TMEFF2: variants seen among roughly 807,000 people sequenced by gnomAD.
TMEFF2 encodes the protein transmembrane protein with EGF like and two follistatin like domains 2.
In TMEFF2, 28 loss-of-function variants were observed where a neutral mutation model predicts 53.8. That is an observed-to-expected ratio of 0.52 (90% CI 0.39 to 0.71). The LOEUF is 0.71. Ranked by LOEUF, TMEFF2 falls within the 30% of genes least tolerant of loss-of-function variation. TMEFF2 has a pLI of 0.00. For missense variants in TMEFF2, 353 were observed against 455.2 expected, an observed-to-expected ratio of 0.78 and a Z score of 2.04; for synonymous variants, 162 against 166.3, an observed-to-expected ratio of 0.97 and a Z score of 0.20.
At chr2:192,175,585 C>A (rs1553530791) in intron 4 of TMEFF2, among the ~76,000 whole-genome samples, 1 of 151,214 alleles carries the variant, frequency 6.6e-6, no homozygotes, top group Non-Finnish European at 1.5e-5. Flanking sequence ...CCAACAATAA[C>A]CTATTAAAGA....
chr2:192,062,976 TTTTTG>T (rs1229891044), intron 4 of TMEFF2, among the ~76,000 whole-genome samples: 11 of 145,890 alleles, frequency 7.5e-5, no homozygotes, highest in East Asian at 1.9e-4. Context: ...GTGTTTTTTT[TTTTTG>T]TTGTTGTTGT....
At chr2:192,001,205 T>G (rs961720767) in intron 5 of TMEFF2, among the ~76,000 whole-genome samples, 7 of 152,168 alleles carry the variant, frequency 4.6e-5, no homozygotes, top group Non-Finnish European at 8.8e-5. Flanking sequence ...TTCAAGGTCT[T>G]CTATAAAGTT....
chr2:192,082,211 G>GT (rs963943585), intron 4 of TMEFF2, among the ~76,000 whole-genome samples: 22 of 152,244 alleles, frequency 1.4e-4, no homozygotes, highest in African/African-American at 5.3e-4. Context: ...TAGGACTGGA[G>GT]TTTTTTTAAA....
At chr2:192,044,409 A>T (rs924608012) in intron 5 of TMEFF2, 3 of 152,322 alleles carry the variant, frequency 2.0e-5, no homozygotes, top group East Asian at 3.9e-4. Flanking sequence ...GGTAAAGGAT[A>T]AGTTGATGTA....
At position 191,949,953 on chromosome 2, in the gene TMEFF2, G is replaced by A. The variant is rs1691819404; in HGVS notation, c.*358C>T. The A allele has an allele frequency of 2.9e-6, 3 of 1,033,224 alleles. No individual in the cohort carries two copies. The highest frequency in any genetic ancestry group is 3.7e-5 in the South Asian group (1 of 27,094). 64.0% of individuals were successfully genotyped at this position (1,033,224 alleles called of 1,614,324 possible). A position where few individuals can be genotyped will look rare whatever the true frequency, so the allele number is the denominator to read the frequency against. On this transcript the variant is annotated 3_prime_UTR_variant, in exon 10 of 10. Coordinates refer to ENST00000272771, the MANE Select transcript of TMEFF2 (RefSeq NM_016192.4). ...GAAGAAACATGAAATATTGGTAGCT[G>A]TACAGATTGTACTAGTCTGATTATA...
intron 4 of TMEFF2, among the ~76,000 whole-genome samples, chr2:192,075,305 A>ATTTT (rs1559115057): frequency 3.6e-5 from 1 of 27,956 alleles, no homozygotes; most frequent in African/African-American, 7.8e-5. Flanking sequence ...ATATATATAT[A>ATTTT]TATATATATA....
intron 3 of TMEFF2, among the ~76,000 whole-genome samples, chr2:192,180,070 G>A (rs965634695): frequency 3.3e-5 from 5 of 151,538 alleles, no homozygotes; most frequent in South Asian, 2.1e-4. Context: ...AGTCTAATGC[G>A]TGTGGCAAAT....
At chr2:191,992,188 A>G (rs536682236) in intron 7 of TMEFF2, among the ~76,000 whole-genome samples, 3 of 152,080 alleles carry the variant, frequency 2.0e-5, no homozygotes, top group Non-Finnish European at 4.4e-5. Flanking sequence ...GTTGATACCA[A>G]TATTTGTGCT....
intron 4 of TMEFF2, among the ~76,000 whole-genome samples, chr2:192,069,281 G>T (rs2105914039): frequency 6.6e-6 from 1 of 151,816 alleles, no homozygotes; most frequent in South Asian, 2.1e-4. Flanking sequence ...CCTCTGTAGT[G>T]ATGCTCCATC....
chr2:192,041,216 C>G (rs1015119725), intron 5 of TMEFF2, among the ~76,000 whole-genome samples: 5 of 152,046 alleles, frequency 3.3e-5, no homozygotes, highest in Admixed American at 6.6e-5. Flanking sequence ...ATATATCTGC[C>G]AGGGAACTTA....
chr2:192,033,674 T>G (rs1393676924), intron 5 of TMEFF2, among the ~76,000 whole-genome samples: 1 of 152,142 alleles, frequency 6.6e-6, no homozygotes, highest in African/African-American at 2.4e-5. Flanking sequence ...CCAGGAGGAC[T>G]GGAGCTCTTG....
chr2:192,082,262 T>G (rs146738643), intron 4 of TMEFF2, among the ~76,000 whole-genome samples: 11 of 152,300 alleles, frequency 7.2e-5, no homozygotes, highest in African/African-American at 2.4e-4. Flanking sequence ...TTCTTACTAT[T>G]GTTCCCTTAC....
At chr2:191,999,764 G>A (rs905361100) in intron 5 of TMEFF2, among the ~76,000 whole-genome samples, 6 of 151,740 alleles carry the variant, frequency 4.0e-5, no homozygotes, top group Non-Finnish European at 7.4e-5. Flanking sequence ...ACATTTTGGG[G>A]GGGCCACAAA....
chr2:191,969,904 A>G (rs898014586), intron 7 of TMEFF2, among the ~76,000 whole-genome samples: 3 of 152,224 alleles, frequency 2.0e-5, no homozygotes, highest in Admixed American at 1.3e-4. Flanking sequence ...CTGGCAATAA[A>G]AAAGTCATGG....
intron 5 of TMEFF2, among the ~76,000 whole-genome samples, chr2:192,049,247 A>C (rs1049114651): frequency 1.3e-5 from 2 of 152,114 alleles, no homozygotes; most frequent in Non-Finnish European, 1.5e-5. Flanking sequence ...AAGAGCATGG[A>C]GTCTGCCTGG....
chr2:192,129,826 G>T (rs1689771041), intron 4 of TMEFF2, among the ~76,000 whole-genome samples: 1 of 152,128 alleles, frequency 6.6e-6, no homozygotes, highest in South Asian at 2.1e-4. Context: ...TTTACTTGTG[G>T]AATTATTTGT....
At chr2:191,964,362 TTCTTTCTTTCTC>T (rs1559063436) in intron 7 of TMEFF2, among the ~76,000 whole-genome samples, 4 of 101,004 alleles carry the variant, frequency 4.0e-5, no homozygotes, top group African/African-American at 1.4e-4. Flanking sequence ...CTTTCTTTCT[TTCTTTCTTTCTC>T]TTTCTTTCTT....
At chr2:192,029,824 T>C (rs1253756542) in intron 5 of TMEFF2, among the ~76,000 whole-genome samples, 1 of 152,230 alleles carries the variant, frequency 6.6e-6, no homozygotes, top group Non-Finnish European at 1.5e-5. Context: ...AAAATGAATA[T>C]GCTTTCTAAA....
At chr2:192,089,123 C>A (rs1260365392) in intron 4 of TMEFF2, among the ~76,000 whole-genome samples, 1 of 152,084 alleles carries the variant, frequency 6.6e-6, no homozygotes, top group Non-Finnish European at 1.5e-5. Flanking sequence ...TCCAATTCAG[C>A]TAATTGCTCC....
Sources: gnomAD v4.1 joint callset for allele counts (sites outside exome capture counted in the v4.1 genomes callset) on GRCh38, gnomAD v4.1.1 for gene constraint, MANE v1.5 for transcripts, NCBI Gene and HGNC (gene_info 2026-07-23, HGNC 2026-07-21) for gene names.